The following INTS12 variants were observed in gnomAD, a reference collection of about 807,000 sequenced individuals.
INTS12 encodes integrator complex subunit 12.
A neutral mutation model predicts 41.6 loss-of-function variants in INTS12; 13 were observed. That is an observed-to-expected ratio of 0.31 (90% CI 0.20 to 0.50). The LOEUF is 0.50. Ranked by LOEUF, INTS12 falls within the 20% of genes least tolerant of loss-of-function variation. The pLI is 0.98. For synonymous variants in INTS12, 199 were observed against 191.4 expected (o/e 1.04, Z -0.33); for missense variants, 432 against 541.6 (o/e 0.80, Z 2.01).
intron 7 of INTS12, among the ~76,000 whole-genome samples, chr4:105,685,096 A>T (rs1323898737): frequency 3.9e-5 from 6 of 152,146 alleles, no homozygotes; most frequent in Non-Finnish European, 7.4e-5. Flanking sequence ...TTTAACTATA[A>T]ATATTTTCTT....
chr4:105,706,993 T>C (rs1560784944), intron 1 of INTS12, among the ~76,000 whole-genome samples: 1 of 152,214 alleles, frequency 6.6e-6, no homozygotes, highest in South Asian at 2.1e-4. Context: ...AAGTTAGGGC[T>C]TTCTACCACC....
At chr4:105,684,888 T>C (rs573914501) in intron 7 of INTS12, among the ~76,000 whole-genome samples, 1 of 152,166 alleles carries the variant, frequency 6.6e-6, no homozygotes, top group East Asian at 1.9e-4. Context: ...AGACCAACAC[T>C]TAGGAAGTAC....
At chr4:105,683,354 G>C (rs1731392103) in intron 7 of INTS12, 37 bp from the exon 8 acceptor site, 2 of 1,408,474 alleles carry the variant, frequency 1.4e-6, no homozygotes, top group Non-Finnish European at 1.9e-6. Context: ...TTAGAGCCAA[G>C]TTTAATCAGT....
chr4:105,708,437 C>G, intron 1 of INTS12: 1 of 985,466 alleles, frequency 1.0e-6, no homozygotes, highest in Non-Finnish European at 1.2e-6. Flanking sequence ...ATGTCCCGGC[C>G]CGCAACTCCC....
rs1335017171 is a variant in INTS12, at chr4:105,708,030, C to T, written c.-172+608G>A. The T allele has an allele frequency of 6.1e-6, 6 of 985,278 alleles. No individual in the cohort carries two copies. The East Asian group carries it at 6.8e-4, about 112-fold the overall frequency. The allele number at this position is 985,278 out of a possible 1,614,324, so 61.0% of individuals were successfully genotyped here. On this transcript the variant is annotated intron_variant, in intron 1 of 7. Transcript: ENST00000340139. ...TTATCGTTGCCATTTCATAATGGCT[C>T]TAAAAAACTTTGTTCTTCATGACTT... is the stretch of plus-strand genomic sequence containing the variant.
At chr4:105,692,549 G>GA (rs901661515) in intron 5 of INTS12, among the ~76,000 whole-genome samples, 2 of 133,618 alleles carry the variant, frequency 1.5e-5, no homozygotes, top group Non-Finnish European at 3.3e-5. Flanking sequence ...ATATTAAAAA[G>GA]AAAAAAAATC....
At chr4:105,697,852 C>T (rs1353297683) in intron 3 of INTS12, among the ~76,000 whole-genome samples, 1 of 152,042 alleles carries the variant, frequency 6.6e-6, no homozygotes, top group Non-Finnish European at 1.5e-5. Flanking sequence ...GAGTTTGAGA[C>T]CAACCTGGGC....
intron 5 of INTS12, 93 bp downstream of exon 5, chr4:105,693,206 C>G: frequency 9.5e-7 from 1 of 1,054,516 alleles, no homozygotes; most frequent in Admixed American, 2.7e-5. Flanking sequence ...AGAAAATGCA[C>G]AACAATTTTT....
At chr4:105,683,373 A>G in intron 7 of INTS12, 56 bp from the exon 8 acceptor site, 3 of 1,236,028 alleles carry the variant, frequency 2.4e-6, no homozygotes, top group Non-Finnish European at 3.3e-6. Context: ...GTACCTGTAT[A>G]AACATCCCAA....
chr4:105,695,854 ATT>A (rs1731844836), intron 3 of INTS12, among the ~76,000 whole-genome samples, 186 bp from the exon 4 acceptor site: 1 of 151,932 alleles, frequency 6.6e-6, no homozygotes, highest in Non-Finnish European at 1.5e-5. Context: ...TACCTTTTTT[ATT>A]TTTATTTTTT....
At chr4:105,690,625 T>C (rs1055039098) in intron 6 of INTS12, among the ~76,000 whole-genome samples, 2 of 152,124 alleles carry the variant, frequency 1.3e-5, no homozygotes, top group Admixed American at 6.5e-5. Context: ...ACTATCTAGT[T>C]AGCTATAGAA....
chr4:105,700,286 G>A (rs1732018530), intron 2 of INTS12: 2 of 203,124 alleles, frequency 9.8e-6, no homozygotes, highest in Non-Finnish European at 9.8e-6. Flanking sequence ...GCCTCTCCCT[G>A]CCACAGAACT....
chr4:105,694,570 A>G (rs1318890914), intron 4 of INTS12, among the ~76,000 whole-genome samples: 1 of 152,150 alleles, frequency 6.6e-6, no homozygotes, highest in Non-Finnish European at 1.5e-5. Flanking sequence ...ACCTCAAGTG[A>G]TCCTCCTGCC....
At chr4:105,684,624 G>T (rs1731440749) in intron 7 of INTS12, among the ~76,000 whole-genome samples, 1 of 152,068 alleles carries the variant, frequency 6.6e-6, no homozygotes, top group African/African-American at 2.4e-5. Context: ...TTGATAGGAA[G>T]TTTTCTTACA....
Position 105,696,921 on chromosome 4 carries a change from T to A in INTS12, c.157-1253A>T, listed in dbSNP as rs962546662. On this transcript the variant is annotated intron_variant, in intron 3 of 7. Transcript: ENST00000340139. The stretch of plus-strand genomic sequence containing the variant: ...GGTATGTAGTGATATCTCATTTAGA[T>A]TTAATTTAAATTTCCCCAGTAACTA... Among the ~76,000 whole-genome samples the A allele has an allele frequency of 1.2e-4, 19 of 152,248 alleles. 1 individual carries two copies. The highest frequency in any genetic ancestry group is 2.6e-4 in the Admixed American group (4 of 15,290).
rs1731750618 is a variant in INTS12, at chr4:105,693,300, T to C, written c.496A>G (p.Arg166Gly). 6.3e-7 allele frequency: 1 copy of C among 1,583,808 alleles called. No individual in the cohort carries two copies. Among genetic ancestry groups the C allele is most frequent in the South Asian group, 1.1e-5 (1 of 87,194 alleles). ...MEMGLACVVC[R>G]QMMVASGNQL... ...AATCTGTGGCAAGGTACAACTTACCTACAAACAACGCAGGCCAATCCCATC... is the reference window on the plus strand; with the variant it reads ...AATCTGTGGCAAGGTACAACTTACCCACAAACAACGCAGGCCAATCCCATC... The change falls in exon 5 of 8, where the codon AGG (arginine) becomes GGG (glycine). Residue 166 changes from arginine to glycine, a missense_variant and splice_region_variant. This residue lies in a region of INTS12 where 168 missense variants were observed against 198.9 expected (regional missense o/e 0.84). Transcript: ENST00000340139.
At chr4:105,699,758 G>C in intron 3 of INTS12, 92 bp downstream of exon 3, 1 of 867,482 alleles carries the variant, frequency 1.2e-6, no homozygotes, top group African/African-American at 1.7e-5. Flanking sequence ...AGATTATTTC[G>C]GCAGAGATTG....
At position 105,683,328 on chromosome 4, in the gene INTS12, A is replaced by G; in HGVS notation, c.805-11T>C. On this transcript the variant is annotated splice_polypyrimidine_tract_variant and intron_variant, in intron 7 of 7. Transcript: ENST00000340139. ...AATAACTGTGGATGTCTAAAAAAAT[A>G]AAGTAAATAATTACATTAGAGCCAA... 1.3e-6 allele frequency: 2 copies of G among 1,573,878 alleles called. No homozygotes were observed. Among genetic ancestry groups the G allele is most frequent in the Non-Finnish European group, 1.7e-6 (2 of 1,157,658 alleles).
At chr4:105,700,121 A>T in intron 2 of INTS12, 107 bp from the exon 3 acceptor site, 1 of 666,952 alleles carries the variant, frequency 1.5e-6, no homozygotes, top group Non-Finnish European at 2.2e-6. Flanking sequence ...TGTACACATG[A>T]TATAAAATTT....
Sources: gnomAD v4.1 joint callset for allele counts (sites outside exome capture counted in the v4.1 genomes callset) on GRCh38, gnomAD v4.1.1 for gene constraint, gnomAD v4.1.1 regional missense constraint, MANE v1.5 for transcripts, NCBI Gene and HGNC (gene_info 2026-07-23, HGNC 2026-07-21) for gene names.